The following SNX18 variants were observed in gnomAD, a reference collection of about 807,000 sequenced individuals.
SNX18 encodes sorting nexin 18.
In SNX18, 35 loss-of-function variants were observed where a neutral mutation model predicts 48.7. The ratio of observed to expected loss-of-function variants is 0.72; its 90% CI spans 0.55 to 0.95. The LOEUF is 0.95. Among genes scored for constraint, SNX18 ranks in the 40% least tolerant of loss-of-function variants. The probability of loss-of-function intolerance (pLI) is 0.00; values close to 1 mark genes in which losing one functional copy is unlikely to be tolerated. For synonymous variants in SNX18, 492 were observed against 384.7 expected, an observed-to-expected ratio of 1.28 and a Z score of -3.26; for missense variants, 824 against 871.0, an observed-to-expected ratio of 0.95 and a Z score of 0.68.
chr5:54,528,664 A>T (rs901384538), intron 1 of SNX18, among the ~76,000 whole-genome samples: 1 of 152,206 alleles, frequency 6.6e-6, no homozygotes, highest in African/African-American at 2.4e-5. Context: ...ACTGTACCGT[A>T]TGACACACAG....
At chr5:54,588,801 A>G in the SNX18 span, among the ~76,000 whole-genome samples, 34 of 152,294 alleles carry the variant, frequency 2.2e-4, 1 homozygote, top group East Asian at 6.2e-3. Context: ...GATATCATCA[A>G]AGAGAATGTA....
At chr5:54,614,455 A>G in the SNX18 span, among the ~76,000 whole-genome samples, 1 of 152,222 alleles carries the variant, frequency 6.6e-6, no homozygotes, top group African/African-American at 2.4e-5. Context: ...GAGATAAAGT[A>G]CTACTTGTAT....
chr5:54,536,922 G>C (rs1762368265), intron 1 of SNX18, among the ~76,000 whole-genome samples: 1 of 152,308 alleles, frequency 6.6e-6, no homozygotes, highest in African/African-American at 2.4e-5. Context: ...GATTGCCATT[G>C]TAACTGGTGT....
chr5:54,578,257 G>T, the SNX18 span, among the ~76,000 whole-genome samples: 1 of 152,196 alleles, frequency 6.6e-6, no homozygotes, highest in Non-Finnish European at 1.5e-5. Flanking sequence ...AATCCCAGGG[G>T]AATTACCTCT....
rs749002872 is a variant in SNX18, at chr5:54,518,980, G to T, written c.1028G>T (p.Arg343Leu). 3.1e-6 allele frequency: 5 copies of T among 1,613,374 alleles called. No homozygotes were observed. The African/African-American group carries it at 6.7e-5, about 22-fold the overall frequency. Reference protein sequence around the residue: ...PHLPEKQATGRFEEDFISKRR... With the variant: ...PHLPEKQATGLFEEDFISKRR... ...CTGCCCGAGAAGCAGGCCACCGGCCGCTTCGAGGAGGACTTCATCTCTAAG... is the reference window on the plus strand; with the variant it reads ...CTGCCCGAGAAGCAGGCCACCGGCCTCTTCGAGGAGGACTTCATCTCTAAG... The change falls in exon 1 of 2, where the codon CGC (arginine) becomes CTC (leucine). Residue 343 changes from arginine (R) to leucine (L), a missense_variant. Transcript: ENST00000381410.
At chr5:54,548,815 C>T (rs1370204499), downstream of SNX18, among the ~76,000 whole-genome samples, 1 of 152,174 alleles carries the variant, frequency 6.6e-6, no homozygotes, top group African/African-American at 2.4e-5. Flanking sequence ...AGTCATCCCT[C>T]AGTATCTGCA....
chr5:54,552,756 T>C, the SNX18 span, among the ~76,000 whole-genome samples: 2 of 152,142 alleles, frequency 1.3e-5, no homozygotes, highest in African/African-American at 2.4e-5. Context: ...CAACAAAAAT[T>C]TACTTTCTAG....
chr5:54,525,932 A>G (rs559231230), intron 1 of SNX18, among the ~76,000 whole-genome samples: 14 of 152,302 alleles, frequency 9.2e-5, no homozygotes, highest in African/African-American at 3.1e-4. Flanking sequence ...TTTAGTTCAG[A>G]TCAGCAATCA....
chr5:54,543,223 G>C lies in SNX18; in HGVS notation c.1666G>C (p.Gly556Arg). ...VKESRRHVEE[G>R]KMEVQKADGI... ...GGAGAGTAGGCGACACGTGGAGGAA[G>C]GGAAGATGGAGGTGCAGAAGGCTGA... The change falls in exon 2 of 2, where the codon GGG becomes CGG. Residue 556 changes from glycine to arginine, a missense_variant. Physicochemically the swap from Gly to Arg is moderately radical, Grantham distance 125 (BLOSUM62 -2). This residue lies in a region of SNX18 where 443 missense variants were observed against 503.6 expected (regional missense o/e 0.88). Coordinates refer to ENST00000381410, the MANE Select transcript of SNX18 (RefSeq NM_001102575.2). The C allele has an allele frequency of 6.2e-7, 1 of 1,614,126 alleles. No individual in the cohort carries two copies. Among genetic ancestry groups the C allele is most frequent in the Non-Finnish European group, 8.5e-7 (1 of 1,180,022 alleles).
chr5:54,643,537 T>C, the SNX18 span: 1 of 152,244 alleles, frequency 6.6e-6, no homozygotes, highest in Non-Finnish European at 1.5e-5. Context: ...ATATAAATTA[T>C]TTTCCATGAA....
At chr5:54,548,492 T>G (rs1762608713), downstream of SNX18, among the ~76,000 whole-genome samples, 1 of 152,222 alleles carries the variant, frequency 6.6e-6, no homozygotes, top group South Asian at 2.1e-4. Context: ...AGGCAGCAAT[T>G]TGGAGCCAGA....
the SNX18 span, among the ~76,000 whole-genome samples, chr5:54,625,633 A>G: frequency 6.6e-6 from 1 of 152,186 alleles, no homozygotes; most frequent in African/African-American, 2.4e-5. Context: ...ATTTATTAGA[A>G]ATGAGTCCAG....
chr5:54,529,625 G>C (rs1351912844), intron 1 of SNX18, among the ~76,000 whole-genome samples: 1 of 150,738 alleles, frequency 6.6e-6, no homozygotes, highest in Non-Finnish European at 1.5e-5. Context: ...TTTTATATAT[G>C]TCCTTTTTTT....
downstream of SNX18, among the ~76,000 whole-genome samples, chr5:54,548,384 G>T (rs13171735): frequency 0.13 from 19,723 of 152,242 alleles, 1,603 homozygotes; most frequent in Middle Eastern, 0.25. Context: ...TATTTTTGCA[G>T]TGGTTTAAAT....
At chr5:54,547,086 T>C (rs976341570), downstream of SNX18, among the ~76,000 whole-genome samples, 8 of 152,346 alleles carry the variant, frequency 5.3e-5, no homozygotes, top group African/African-American at 1.9e-4. Flanking sequence ...GTTTTACATA[T>C]ATGTTTTTTC....
At chr5:54,637,733 C>T in the SNX18 span, among the ~76,000 whole-genome samples, 1 of 152,118 alleles carries the variant, frequency 6.6e-6, no homozygotes, top group African/African-American at 2.4e-5. Flanking sequence ...TTGGTAATCC[C>T]CTGCATAACA....
chr5:54,542,532 G>C (rs1762490894), intron 1 of SNX18, among the ~76,000 whole-genome samples: 1 of 152,202 alleles, frequency 6.6e-6, no homozygotes, highest in Non-Finnish European at 1.5e-5. Flanking sequence ...TCTGTGTGCT[G>C]AGCACTTCAG....
chr5:54,537,191 A>T (rs13188020), intron 1 of SNX18, among the ~76,000 whole-genome samples: 19,643 of 152,252 alleles, frequency 0.13, 1,587 homozygotes, highest in Middle Eastern at 0.25. Flanking sequence ...AAAGAGAGAG[A>T]GAGAGAAGAA....
chr5:54,604,610 G>A, the SNX18 span, among the ~76,000 whole-genome samples: 1 of 152,212 alleles, frequency 6.6e-6, no homozygotes, highest in South Asian at 2.1e-4. Context: ...CAGGGGCTGG[G>A]AGAAGCAGGT....
Sources: gnomAD v4.1 joint callset for allele counts (sites outside exome capture counted in the v4.1 genomes callset) on GRCh38, gnomAD v4.1.1 for gene constraint, gnomAD v4.1.1 regional missense constraint, MANE v1.5 for transcripts, NCBI Gene and HGNC (gene_info 2026-07-23, HGNC 2026-07-21) for gene names.